Variants in KLF12 observed in about 807,000 individuals in gnomAD.
The protein encoded by KLF12 is Krueppel-like factor 12.
Under a neutral mutation model 37.8 loss-of-function variants are expected in KLF12, and 9 were observed. The ratio of observed to expected loss-of-function variants is 0.24; its 90% CI spans 0.14 to 0.42. KLF12 has a LOEUF of 0.42. Ranked by LOEUF, KLF12 falls within the 10% of genes least tolerant of loss-of-function variation. The pLI, the probability that KLF12 is intolerant of heterozygous loss-of-function variation, is 1.00. For synonymous variants in KLF12, 208 were observed against 202.1 expected, an observed-to-expected ratio of 1.03 and a Z score of -0.25; for missense variants, 411 against 516.0, an observed-to-expected ratio of 0.80 and a Z score of 1.97.
At chr13:74,044,642 C>A (rs1384920759) in intron 1 of KLF12, among the ~76,000 whole-genome samples, 1 of 151,940 alleles carries the variant, frequency 6.6e-6, no homozygotes, top group African/African-American at 2.4e-5. Context: ...GTCAGGAGAT[C>A]GAGACCATCC....
chr13:74,196,580 G>A, the KLF12 span, among the ~76,000 whole-genome samples: 1 of 152,098 alleles, frequency 6.6e-6, no homozygotes, highest in Non-Finnish European at 1.5e-5. Flanking sequence ...GAGGATGGTA[G>A]GTTTCATTAA....
At chr13:74,098,530 T>A (rs1221232067) in intron 1 of KLF12, among the ~76,000 whole-genome samples, 1 of 152,320 alleles carries the variant, frequency 6.6e-6, no homozygotes, top group East Asian at 1.9e-4. Context: ...CCTTTATCTG[T>A]AGAAGATGAT....
chr13:73,709,031 C>A (rs1380755861), intron 7 of KLF12, among the ~76,000 whole-genome samples: 1 of 152,122 alleles, frequency 6.6e-6, no homozygotes, highest in Non-Finnish European at 1.5e-5. Flanking sequence ...TAAGCACAAG[C>A]AGGCATTAAT....
chr13:74,096,753 A>C (rs2138847761), intron 1 of KLF12, among the ~76,000 whole-genome samples: 1 of 152,344 alleles, frequency 6.6e-6, no homozygotes, highest in East Asian at 1.9e-4. Context: ...GAATATCACA[A>C]TGAAATGAGA....
the KLF12 span, among the ~76,000 whole-genome samples, chr13:74,274,227 C>T: frequency 0.014 from 2,186 of 152,166 alleles, 21 homozygotes; most frequent in Non-Finnish European, 0.023. Context: ...CCTCTCCTAG[C>T]CTTAGTGAAG....
rs115296593 is a variant in KLF12, at chr13:73,927,256, C to T, written c.123+16725G>A. Among the ~76,000 whole-genome samples, 808 of 152,270 alleles carry T rather than the reference C, an allele frequency of 5.3e-3. 7 individuals are homozygous for T. The highest frequency in any genetic ancestry group is 0.019 in the African/African-American group (774 of 41,552). ...AGCTAAAAGTGGGAGAGCCCAGAGG[C>T]TTCTCCCCTTGATCACTCCTCTCCT... On this transcript the variant is annotated intron_variant, in intron 3 of 7. Coordinates refer to ENST00000377669, the MANE Select transcript of KLF12 (RefSeq NM_007249.5).
chr13:74,159,341 A>G, the KLF12 span, among the ~76,000 whole-genome samples: 9 of 152,238 alleles, frequency 5.9e-5, no homozygotes, highest in Admixed American at 3.3e-4. Context: ...TACCAAGACA[A>G]GTCATACAAG....
chr13:73,856,562 T>G (rs1431472062), intron 3 of KLF12, among the ~76,000 whole-genome samples: 4 of 151,168 alleles, frequency 2.6e-5, no homozygotes, highest in Non-Finnish European at 4.4e-5. Context: ...ACCCACCTAC[T>G]TGCACAGTCA....
chr13:73,935,342 A>G (rs1889881257), intron 3 of KLF12, among the ~76,000 whole-genome samples: 1 of 152,084 alleles, frequency 6.6e-6, no homozygotes, highest in African/African-American at 2.4e-5. Flanking sequence ...TTTCTTCTGC[A>G]GTATCTATTA....
intron 5 of KLF12, among the ~76,000 whole-genome samples, chr13:73,786,539 C>T (rs952965166): frequency 1.3e-5 from 2 of 151,990 alleles, no homozygotes; most frequent in African/African-American, 2.4e-5. Flanking sequence ...TCCCACTCAT[C>T]AGAAATGCCT....
At chr13:74,060,189 A>T (rs1389766895) in intron 1 of KLF12, among the ~76,000 whole-genome samples, 1 of 152,188 alleles carries the variant, frequency 6.6e-6, no homozygotes, top group East Asian at 1.9e-4. Context: ...AATTCAAGTA[A>T]CATGATGCCT....
chr13:73,813,126 A>T (rs1300579695), intron 5 of KLF12, 26 bp downstream of exon 5: 1 of 1,610,820 alleles, frequency 6.2e-7, no homozygotes, highest in Non-Finnish European at 8.5e-7. Context: ...GCAATTCTTA[A>T]TTCATCCTGT....
chr13:74,161,767 TGAGTA>T, the KLF12 span, among the ~76,000 whole-genome samples: 1 of 152,162 alleles, frequency 6.6e-6, no homozygotes, highest in Admixed American at 6.5e-5. Flanking sequence ...ATTTAGCAAT[TGAGTA>T]GAGATTAATT....
chr13:73,789,547 TCA>T (rs1881540888), intron 5 of KLF12, among the ~76,000 whole-genome samples: 1 of 152,102 alleles, frequency 6.6e-6, no homozygotes, highest in African/African-American at 2.4e-5. Flanking sequence ...TTACTCCAGC[TCA>T]CAGAGTGAGA....
intron 2 of KLF12, among the ~76,000 whole-genome samples, chr13:73,946,111 A>G (rs1217305837): frequency 1.3e-5 from 2 of 152,110 alleles, no homozygotes; most frequent in East Asian, 3.9e-4. Flanking sequence ...CACCTTAACA[A>G]AGCACCCTGT....
chr13:73,707,269 G>C (rs900879121), intron 7 of KLF12, among the ~76,000 whole-genome samples: 1 of 152,126 alleles, frequency 6.6e-6, no homozygotes, highest in African/African-American at 2.4e-5. Context: ...TGTGTGATGA[G>C]TATATGTAAA....
At chr13:74,135,743 T>A (rs1346266521), upstream of KLF12, among the ~76,000 whole-genome samples, 1 of 152,050 alleles carries the variant, frequency 6.6e-6, no homozygotes. Flanking sequence ...TCGCCAGGGC[T>A]GTGGGAAGGC....
chr13:74,157,688 G>GCTTC, the KLF12 span, among the ~76,000 whole-genome samples: 1 of 152,326 alleles, frequency 6.6e-6, no homozygotes, highest in African/African-American at 2.4e-5. Flanking sequence ...CAGTCATTAA[G>GCTTC]CTTCCTTCTG....
At chr13:74,156,997 C>T in the KLF12 span, among the ~76,000 whole-genome samples, 39 of 152,214 alleles carry the variant, frequency 2.6e-4, 1 homozygote, top group South Asian at 8.1e-3. Flanking sequence ...ACATTTTATT[C>T]TGTATGTGTG....
Sources: allele counts gnomAD v4.1 joint callset (sites outside exome capture counted in the v4.1 genomes callset), GRCh38; gene constraint gnomAD v4.1.1; transcripts MANE v1.5; gene names NCBI Gene and HGNC (gene_info 2026-07-23, HGNC 2026-07-21).